GPR158: variants seen among roughly 807,000 people sequenced by gnomAD.
GPR158 encodes the protein G protein-coupled receptor 158.
GPR158 carries 30 observed loss-of-function variants against 78.2 expected under a neutral mutation model. That is an observed-to-expected ratio of 0.38 (90% CI 0.29 to 0.52). The LOEUF (loss-of-function observed/expected upper bound fraction) is 0.52. GPR158 is among the 20% of genes least tolerant of loss of function. The pLI is 0.83. For synonymous variants in GPR158, 581 were observed against 591.1 expected (o/e 0.98, Z 0.25); for missense variants, 1,463 against 1,523.5 (o/e 0.96, Z 0.66).
chr10:25,529,501 G>T (rs949912304), intron 5 of GPR158, among the ~76,000 whole-genome samples: 1 of 152,218 alleles, frequency 6.6e-6, no homozygotes, highest in African/African-American at 2.4e-5. Flanking sequence ...GCCTCTCATT[G>T]CAGGGATCGG....
rs529515470 is a variant in GPR158, at chr10:25,267,395, A to G, written c.1008+46238A>G. ...AGGCTCATCAGATCTTGTGAGAACT[A>G]ATTCATTATCACAAGAAAAGGATGG... is the stretch of plus-strand genomic sequence containing the variant. On this transcript the variant is annotated intron_variant, in intron 2 of 10. Coordinates refer to ENST00000376351, the MANE Select transcript of GPR158 (RefSeq NM_020752.3). Among the ~76,000 whole-genome samples, 4 of 152,216 alleles carry G rather than the reference A, an allele frequency of 2.6e-5. No individual in the cohort carries two copies. In the South Asian group the frequency reaches 8.3e-4, roughly 32 times the overall value.
At chr10:25,183,746 G>T (rs1432806289) in intron 1 of GPR158, among the ~76,000 whole-genome samples, 1 of 152,206 alleles carries the variant, frequency 6.6e-6, no homozygotes, top group African/African-American at 2.4e-5. Flanking sequence ...TTAGAGTTAT[G>T]TAAGGTTTTG....
intron 2 of GPR158, among the ~76,000 whole-genome samples, chr10:25,250,795 T>G (rs1853784568): frequency 6.7e-6 from 1 of 148,638 alleles, no homozygotes; most frequent in African/African-American, 2.5e-5. Flanking sequence ...TTCTGTTGAT[T>G]TGGGGTGGAG....
intron 7 of GPR158, among the ~76,000 whole-genome samples, chr10:25,574,144 T>TAA (rs1837054004): frequency 4.9e-5 from 1 of 20,524 alleles, no homozygotes; most frequent in African/African-American, 1.6e-4. Context: ...TTTTCTGTTT[T>TAA]ACAAAAAAAA....
intron 2 of GPR158, among the ~76,000 whole-genome samples, chr10:25,272,920 G>C (rs1854136497): frequency 6.6e-6 from 1 of 152,128 alleles, no homozygotes; most frequent in Non-Finnish European, 1.5e-5. Context: ...AATTATAAGT[G>C]AACCCCATGC....
chr10:25,351,752 A>G (rs909654558), intron 2 of GPR158, among the ~76,000 whole-genome samples: 16 of 130,662 alleles, frequency 1.2e-4, no homozygotes, highest in Non-Finnish European at 1.3e-4. Context: ...TCCAACTTCT[A>G]TTTGAAGTTC....
chr10:25,303,352 G>A lies in GPR158; in HGVS notation c.1008+82195G>A, dbSNP rs186743614. ...TTTCCATTAGAAAGCTCTATTGGAC[G>A]TCACTGCCAGAGGGAGGTTTCTAGA... is the stretch of plus-strand genomic sequence containing the variant. On this transcript the variant is annotated intron_variant, in intron 2 of 10. Transcript: ENST00000376351. Among the ~76,000 whole-genome samples, 507 of 152,214 alleles carry A rather than the reference G, an allele frequency of 3.3e-3. 2 individuals are homozygous for A. Among genetic ancestry groups the A allele is most frequent in the African/African-American group, 0.011 (467 of 41,538 alleles).
rs28854504 is a variant in GPR158, at chr10:25,370,317, T to G, written c.1009-25594T>G. 1.6e-3 allele frequency among the ~76,000 whole-genome samples: 239 copies of G among 147,638 alleles called. 1 individual carries two copies. The highest frequency in any genetic ancestry group is 5.7e-3 in the African/African-American group (226 of 39,502). On this transcript the variant is annotated intron_variant, in intron 2 of 10. Coordinates refer to ENST00000376351, the MANE Select transcript of GPR158 (RefSeq NM_020752.3). Reference sequence around the variant, plus strand: ...CTTGTGGGCATTTAGTGCTATAAATTTCCCTCTACACACTGCTTTGAATGC... The same window carrying G: ...CTTGTGGGCATTTAGTGCTATAAATGTCCCTCTACACACTGCTTTGAATGC...
Position 25,601,433 on chromosome 10 carries a change from C to G in GPR158, c.*2159C>G, listed in dbSNP as rs951615414. The G allele has an allele frequency of 2.0e-5, 3 of 152,578 alleles. No individual in the cohort carries two copies. Among genetic ancestry groups the G allele is most frequent in the Non-Finnish European group, 4.4e-5 (3 of 68,026 alleles). The allele number at this position is 152,578 out of a possible 1,614,324, so 9.5% of individuals were successfully genotyped here. A position where few individuals can be genotyped will look rare whatever the true frequency, so the allele number is the denominator to read the frequency against. ...TGAACTGGGTTGGAAGTTCCTAGAC[C>G]CACATATTTGTTTCATTTATGTCTG... On this transcript the variant is annotated 3_prime_UTR_variant, in exon 11 of 11. Transcript: ENST00000376351.
At chr10:25,436,978 G>C (rs376214319) in intron 4 of GPR158, among the ~76,000 whole-genome samples, 10 of 152,080 alleles carry the variant, frequency 6.6e-5, no homozygotes, top group African/African-American at 2.4e-4. Context: ...GTTTCACAGA[G>C]ACAAAAAGAG....
At position 25,291,537 on chromosome 10, in the gene GPR158, T is replaced by C. The variant is rs150201296; in HGVS notation, c.1008+70380T>C. Reference sequence around the variant, plus strand: ...ACGAGGCTGCTTCTTGTAACACATATTTTAATATTCTCAGTGTTGGCAAAT... The same window carrying C: ...ACGAGGCTGCTTCTTGTAACACATACTTTAATATTCTCAGTGTTGGCAAAT... On this transcript the variant is annotated intron_variant, in intron 2 of 10. Transcript: ENST00000376351. Among the ~76,000 whole-genome samples, 179 of 152,214 alleles carry C rather than the reference T, an allele frequency of 1.2e-3. 1 individual carries two copies. The highest frequency in any genetic ancestry group is 4.1e-3 in the African/African-American group (169 of 41,570).
At chr10:25,450,524 T>A (rs149421568) in intron 4 of GPR158, among the ~76,000 whole-genome samples, 107 of 152,220 alleles carry the variant, frequency 7.0e-4, no homozygotes, top group African/African-American at 2.3e-3. Context: ...TACCTTCACT[T>A]ATCTTGCTTC....
intron 3 of GPR158, among the ~76,000 whole-genome samples, chr10:25,409,193 A>C (rs1306164254): frequency 2.0e-5 from 3 of 152,176 alleles, no homozygotes. Context: ...CACATTTTGT[A>C]ATCACATGAA....
chr10:25,577,429 AG>A (rs1237767559), intron 7 of GPR158, among the ~76,000 whole-genome samples: 1 of 141,472 alleles, frequency 7.1e-6, no homozygotes, highest in Non-Finnish European at 1.6e-5. Context: ...GAGTTCGTTC[AG>A]AAAAAAAGAA....
In GPR158 at chr10:25,175,960, C is replaced by T. The variant is rs754236881; in HGVS notation, c.540C>T (p.Thr180=). 2.5e-6 allele frequency: 4 copies of T among 1,613,406 alleles called. No homozygotes were observed. In the South Asian group the frequency reaches 3.3e-5, roughly 13 times the overall value. ...CCCGGGCGGCCATCACCTTCAGCAC[C>T]GATTCGCTGTCCGCACCGGCCCCAC... ...SISRAAITFS[T]DSLSAPAPQV... The change falls in exon 1 of 11, where the codon ACC becomes ACT. Residue 180 remains threonine, a synonymous_variant. Transcript: ENST00000376351. The surrounding 1 kb of genome is among the most constrained non-coding windows in gnomAD (Gnocchi z 6.4).
At chr10:25,358,746 T>C (rs529704978) in intron 2 of GPR158, among the ~76,000 whole-genome samples, 1 of 152,230 alleles carries the variant, frequency 6.6e-6, no homozygotes, top group South Asian at 2.1e-4. Context: ...GTATGTTGTT[T>C]ATTTCCACGT....
chr10:25,343,065 C>T (rs1855326493), intron 2 of GPR158, among the ~76,000 whole-genome samples: 1 of 151,900 alleles, frequency 6.6e-6, no homozygotes, highest in South Asian at 2.1e-4. Context: ...AGATTATGAG[C>T]AAACTTCCTA....
chr10:25,591,369 C>T (rs558414286), intron 8 of GPR158, among the ~76,000 whole-genome samples: 69 of 152,194 alleles, frequency 4.5e-4, no homozygotes, highest in Admixed American at 1.5e-3. Context: ...TTCAAGGTGA[C>T]GGGAAGTACA....
chr10:25,376,244 T>G (rs1004807664), intron 2 of GPR158, among the ~76,000 whole-genome samples: 2 of 151,662 alleles, frequency 1.3e-5, no homozygotes, highest in Non-Finnish European at 3.0e-5. Flanking sequence ...TAGTTGATTT[T>G]CATAAGTCTC....
Sources: allele counts gnomAD v4.1 joint callset (sites outside exome capture counted in the v4.1 genomes callset), GRCh38; gene constraint gnomAD v4.1.1; non-coding constraint Gnocchi (gnomAD v3.1); transcripts MANE v1.5; gene names NCBI Gene and HGNC (gene_info 2026-07-23, HGNC 2026-07-21).